EMCN: variants seen among roughly 807,000 people sequenced by gnomAD.
EMCN encodes endomucin.
In EMCN, 37 loss-of-function variants were observed where a neutral mutation model predicts 38.4. The observed-to-expected ratio is 0.96, with a 90% CI of 0.74 to 1.27. The LOEUF (loss-of-function observed/expected upper bound fraction) is 1.27. EMCN is among the 50% of genes most tolerant of loss of function. EMCN has a pLI of 0.00. For synonymous variants in EMCN, 95 were observed against 100.8 expected (o/e 0.94, Z 0.35); for missense variants, 318 against 302.8 (o/e 1.05, Z -0.37).
Position 100,414,007 on chromosome 4 carries a change from G to A in EMCN, c.751+1891C>T, listed in dbSNP as rs772389025. Among the ~76,000 whole-genome samples the A allele has an allele frequency of 4.6e-5, 7 of 152,262 alleles. No homozygotes were observed. In the East Asian group the frequency reaches 1.2e-3, roughly 25 times the overall value. ...TAGAGTCTGCTATTACATTTGCAAC[G>A]AAGAAACACAAGGTTCTCTGAGGCT... On this transcript the variant is annotated intron_variant, in intron 10 of 11. Transcript: ENST00000296420.
At chr4:100,484,369 A>G (rs1188641674) in intron 1 of EMCN, among the ~76,000 whole-genome samples, 3 of 152,154 alleles carry the variant, frequency 2.0e-5, no homozygotes. Flanking sequence ...ATTACAAAGC[A>G]TGTCTAATCT....
rs780809242 is a variant in EMCN, at chr4:100,475,053, T to C, written c.244A>G (p.Thr82Ala). 159 of 1,533,524 alleles carry C rather than the reference T, an allele frequency of 1.0e-4. No individual in the cohort carries two copies. Among genetic ancestry groups the C allele is most frequent in the Non-Finnish European group, 1.3e-4 (149 of 1,128,598 alleles). 95.0% of individuals were successfully genotyped at this position (1,533,524 alleles called of 1,614,324 possible). A position where few individuals can be genotyped will look rare whatever the true frequency, so the allele number is the denominator to read the frequency against. The change falls in exon 3 of 12, where the codon ACA (threonine) becomes GCA (alanine). Residue 82 changes from threonine to alanine, a missense_variant. By Grantham distance (58) the Thr-to-Ala change is moderately conservative. Coordinates refer to ENST00000296420, the MANE Select transcript of EMCN (RefSeq NM_016242.4). ...CATTACTCACCTTCATCTTTACTTG[T>C]TAAAAAAGTAGCTGTTGACATCAGA... ...MSLMSTATFLTSKDEGLKATT... is the reference protein window; with the variant it reads ...MSLMSTATFLASKDEGLKATT...
At chr4:100,483,218 T>C (rs1210244946) in intron 1 of EMCN, among the ~76,000 whole-genome samples, 1 of 152,136 alleles carries the variant, frequency 6.6e-6, no homozygotes, top group East Asian at 1.9e-4. Flanking sequence ...CATCATTTTA[T>C]GGATAAGCAC....
chr4:100,417,877 C>T (rs1193657188), intron 8 of EMCN, among the ~76,000 whole-genome samples: 1 of 152,162 alleles, frequency 6.6e-6, no homozygotes, highest in African/African-American at 2.4e-5. Flanking sequence ...GCATAAGGTT[C>T]CCCTTGTTGT....
intron 5 of EMCN, among the ~76,000 whole-genome samples, chr4:100,429,378 T>C (rs1727137147): frequency 6.6e-6 from 1 of 152,186 alleles, no homozygotes; most frequent in African/African-American, 2.4e-5. Flanking sequence ...GGTTTTAGAT[T>C]CTTTTCAATC....
At chr4:100,503,485 A>G (rs1206661239) in intron 1 of EMCN, among the ~76,000 whole-genome samples, 1 of 151,962 alleles carries the variant, frequency 6.6e-6, no homozygotes, top group South Asian at 2.1e-4. Flanking sequence ...AGGATTACCA[A>G]CCTTATCATT....
At chr4:100,454,086 A>G (rs1470402292) in intron 4 of EMCN, among the ~76,000 whole-genome samples, 1 of 151,872 alleles carries the variant, frequency 6.6e-6, no homozygotes, top group East Asian at 1.9e-4. Context: ...TGACGAGTTA[A>G]TGGGTGCAGC....
At chr4:100,495,776 T>C (rs986725578) in intron 1 of EMCN, among the ~76,000 whole-genome samples, 4 of 152,104 alleles carry the variant, frequency 2.6e-5, no homozygotes, top group Non-Finnish European at 4.4e-5. Flanking sequence ...CATTAACATT[T>C]ATCTGTGTAT....
At chr4:100,456,292 C>T (rs1352891298) in intron 4 of EMCN, among the ~76,000 whole-genome samples, 6 of 152,054 alleles carry the variant, frequency 3.9e-5, no homozygotes, top group Non-Finnish European at 7.4e-5. Context: ...TTTTGTTGAT[C>T]CACTTTATGG....
intron 5 of EMCN, among the ~76,000 whole-genome samples, chr4:100,442,234 A>G (rs186273600): frequency 1.3e-5 from 2 of 152,318 alleles, no homozygotes; most frequent in East Asian, 3.9e-4. Flanking sequence ...TTGATCTGCA[A>G]GGTTTCTATT....
intron 4 of EMCN, among the ~76,000 whole-genome samples, chr4:100,454,455 G>T (rs188526415): frequency 1.3e-5 from 2 of 152,162 alleles, no homozygotes; most frequent in African/African-American, 4.8e-5. Context: ...TATAGTGAGG[G>T]CTAATGCAAG....
intron 4 of EMCN, among the ~76,000 whole-genome samples, chr4:100,459,170 T>G (rs1159580105): frequency 0.057 from 4 of 70 alleles, no homozygotes; most frequent in African/African-American, 0.14. Flanking sequence ...CCTCAGATGC[T>G]CTCTCTCTCT....
chr4:100,438,512 C>T lies in EMCN; in HGVS notation c.415+9021G>A, dbSNP rs1727417764. On this transcript the variant is annotated intron_variant, in intron 5 of 11. Coordinates refer to ENST00000296420, the MANE Select transcript of EMCN (RefSeq NM_016242.4). ...CAGTTTTTTCTGTGGAATCATTACA[C>T]ATAAGATTATTTCATCTGCAAGTGG... 2.6e-5 allele frequency among the ~76,000 whole-genome samples: 4 copies of T among 151,972 alleles called. No homozygotes were observed. In the South Asian group the frequency reaches 8.3e-4, roughly 31 times the overall value.
chr4:100,478,777 A>G (rs1213719812), intron 2 of EMCN, among the ~76,000 whole-genome samples: 1 of 152,192 alleles, frequency 6.6e-6, no homozygotes, highest in Non-Finnish European at 1.5e-5. Flanking sequence ...ACTCAAGTGC[A>G]TAACTACTGA....
Position 100,415,961 on chromosome 4 carries a change from T to A in EMCN, c.690-2A>T. 6.3e-7 allele frequency: 1 copy of A among 1,576,310 alleles called. No individual in the cohort carries two copies. Among genetic ancestry groups the A allele is most frequent in the Non-Finnish European group, 8.6e-7 (1 of 1,163,512 alleles). On this transcript the variant is annotated splice_acceptor_variant, in intron 9 of 11. Coordinates refer to ENST00000296420, the MANE Select transcript of EMCN (RefSeq NM_016242.4). LOFTEE classifies it high-confidence loss of function. ...ACGCTCTCTTTATCAGACTGAGGTC[T>A]ATTTGAAAAAAAAAACATGAAATTA...
chr4:100,448,753 G>T (rs917058576), intron 4 of EMCN, among the ~76,000 whole-genome samples: 1 of 150,568 alleles, frequency 6.6e-6, no homozygotes, highest in Non-Finnish European at 1.5e-5. Context: ...TCGTGGCTTT[G>T]CTGTGGCAGA....
chr4:100,511,100 G>C (rs144287272), intron 1 of EMCN, among the ~76,000 whole-genome samples: 1 of 152,270 alleles, frequency 6.6e-6, no homozygotes, highest in South Asian at 2.1e-4. Context: ...TAAATTACTC[G>C]AGCGGTAAGT....
At chr4:100,490,511 T>A (rs1418450582) in intron 1 of EMCN, among the ~76,000 whole-genome samples, 1 of 152,224 alleles carries the variant, frequency 6.6e-6, no homozygotes, top group Non-Finnish European at 1.5e-5. Context: ...CTTCCAGTCC[T>A]GTAAGCCCTA....
chr4:100,471,157 G>A (rs1434300670), intron 3 of EMCN, among the ~76,000 whole-genome samples: 2 of 151,814 alleles, frequency 1.3e-5, no homozygotes, highest in East Asian at 3.9e-4. Flanking sequence ...AAACACAAAA[G>A]TTTGTTCTTT....
Sources: gnomAD v4.1 joint callset for allele counts (sites outside exome capture counted in the v4.1 genomes callset) on GRCh38, gnomAD v4.1.1 for gene constraint, MANE v1.5 for transcripts, NCBI Gene and HGNC (gene_info 2026-07-23, HGNC 2026-07-21) for gene names.